The following PCBP3 variants were observed in gnomAD, a reference collection of about 807,000 sequenced individuals.
PCBP3 encodes the protein poly(rC)-binding protein 3.
Under a neutral mutation model 52.7 loss-of-function variants are expected in PCBP3, and 25 were observed. The ratio of observed to expected loss-of-function variants is 0.47; its 90% CI spans 0.35 to 0.66. The LOEUF (loss-of-function observed/expected upper bound fraction) is 0.66, where lower values mean the gene tolerates loss of function less well. PCBP3 is among the 30% of genes least tolerant of loss of function. The pLI is 0.01. For missense variants in PCBP3, 391 were observed against 490.3 expected (o/e 0.80, Z 1.91); for synonymous variants, 162 against 183.0 (o/e 0.89, Z 0.93).
intron 5 of PCBP3, among the ~76,000 whole-genome samples, chr21:45,886,128 C>T (rs2095513087): frequency 1.0e-5 from 1 of 98,322 alleles, no homozygotes. Flanking sequence ...CCGCTGGTAC[C>T]AAGGACAGAG....
intron 16 of PCBP3, chr21:45,935,549 A>C (rs1030937841): frequency 1.6e-6 from 1 of 635,030 alleles, no homozygotes; most frequent in African/African-American, 1.8e-5. Flanking sequence ...GGGACTTCAG[A>C]TATTAATCAG....
chr21:45,798,769 A>C (rs2092146172), intron 4 of PCBP3, among the ~76,000 whole-genome samples: 1 of 151,438 alleles, frequency 6.6e-6, no homozygotes, highest in African/African-American at 2.4e-5. Context: ...GGATGTGTAC[A>C]TGGATGAATG....
rs1402536479 is a variant in PCBP3 at position 45,677,106 on chromosome 21, G to A, written c.-200+8154G>A. Among the ~76,000 whole-genome samples the A allele has an allele frequency of 3.9e-5, 6 of 152,202 alleles. No homozygotes were observed. In the East Asian group the frequency reaches 1.2e-3, roughly 29 times the overall value. The stretch of plus-strand genomic sequence containing the variant: ...GAAAAACTAGAAATGATTAAGCTTA[G>A]TGAGGAAGGCATGTTGAAATCCCAG... On this transcript the variant is annotated intron_variant, in intron 2 of 17. Transcript: ENST00000681687.
intron 5 of PCBP3, among the ~76,000 whole-genome samples, chr21:45,862,509 C>A (rs11911278): frequency 6.6e-6 from 1 of 152,156 alleles, no homozygotes; most frequent in African/African-American, 2.4e-5. Flanking sequence ...ACATATCAAC[C>A]GTGGTCCTTC....
chr21:45,807,391 A>G (rs1032517123), intron 4 of PCBP3, among the ~76,000 whole-genome samples: 1 of 152,200 alleles, frequency 6.6e-6, no homozygotes, highest in Admixed American at 6.5e-5. Context: ...CTCTACACTA[A>G]TAATAGACAA....
intron 2 of PCBP3, among the ~76,000 whole-genome samples, chr21:45,680,819 G>A (rs2081792624): frequency 6.6e-6 from 1 of 152,200 alleles, no homozygotes; most frequent in African/African-American, 2.4e-5. Flanking sequence ...CTGTAGATTT[G>A]TGTAGATGAT....
At chr21:45,792,789 G>T (rs1237094721) in intron 4 of PCBP3, among the ~76,000 whole-genome samples, 1 of 152,232 alleles carries the variant, frequency 6.6e-6, no homozygotes, top group Non-Finnish European at 1.5e-5. Context: ...CAGGGAGTTG[G>T]AGAGGGCTGG....
chr21:45,789,623 G>A (rs1055724630), intron 4 of PCBP3, among the ~76,000 whole-genome samples: 2 of 152,184 alleles, frequency 1.3e-5, no homozygotes, highest in African/African-American at 4.8e-5. Flanking sequence ...GGCCAGTGTG[G>A]CCGGAGCAGA....
rs368696542 is a variant in PCBP3, at chr21:45,654,015, G to A, written c.-279+10147G>A. On this transcript the variant is annotated intron_variant, in intron 1 of 17. Transcript: ENST00000681687. ...GTTTCTTAGAAGACTTGAACTCTAT[G>A]ACCCCCCTCCAGATTCATATGTGCT... 6.6e-5 allele frequency among the ~76,000 whole-genome samples: 10 copies of A among 152,052 alleles called. No homozygotes were observed. The East Asian group carries it at 7.7e-4, about 12-fold the overall frequency.
At chr21:45,707,686 A>G (rs1217232451) in intron 2 of PCBP3, among the ~76,000 whole-genome samples, 1 of 152,202 alleles carries the variant, frequency 6.6e-6, no homozygotes, top group Non-Finnish European at 1.5e-5. Flanking sequence ...ATGATTCCAG[A>G]GGACATTTGC....
chr21:45,903,750 G>C (rs530603287), intron 9 of PCBP3, among the ~76,000 whole-genome samples: 3 of 152,226 alleles, frequency 2.0e-5, no homozygotes, highest in Non-Finnish European at 4.4e-5. Flanking sequence ...CAGAGGTCTT[G>C]TCAGGACATC....
intron 4 of PCBP3, among the ~76,000 whole-genome samples, chr21:45,770,651 A>G (rs1417406054): frequency 1.3e-5 from 2 of 152,128 alleles, no homozygotes; most frequent in African/African-American, 4.8e-5. Flanking sequence ...ATCTCCTTTA[A>G]GGTTATTCGG....
intron 2 of PCBP3, among the ~76,000 whole-genome samples, chr21:45,714,224 A>G (rs1308401821): frequency 6.6e-6 from 1 of 152,214 alleles, no homozygotes; most frequent in African/African-American, 2.4e-5. Context: ...GGACTCTCCC[A>G]TCAACTCCAG....
chr21:45,931,191 G>A (rs950851500), intron 15 of PCBP3, among the ~76,000 whole-genome samples: 5 of 152,240 alleles, frequency 3.3e-5, no homozygotes, highest in Non-Finnish European at 2.9e-5. Context: ...CACCCCTCCC[G>A]ACTTGCATTA....
intron 14 of PCBP3, among the ~76,000 whole-genome samples, chr21:45,930,341 A>G (rs1368687705): frequency 1.3e-5 from 2 of 152,022 alleles, no homozygotes; most frequent in Non-Finnish European, 2.9e-5. Context: ...GAGCGTACCC[A>G]CTGGGCCGCC....
At chr21:45,854,908 G>A (rs1488485609) in intron 5 of PCBP3, among the ~76,000 whole-genome samples, 2 of 152,216 alleles carry the variant, frequency 1.3e-5, no homozygotes, top group Non-Finnish European at 2.9e-5. Context: ...AGGAGTGCTG[G>A]AGGAAATGGA....
chr21:45,862,099 G>T lies in PCBP3; in HGVS notation c.10+12004G>T, dbSNP rs1312020416. Among the ~76,000 whole-genome samples the T allele has an allele frequency of 2.0e-5, 3 of 147,132 alleles. No homozygotes were observed. The South Asian group carries it at 6.5e-4, about 32-fold the overall frequency. On this transcript the variant is annotated intron_variant, in intron 5 of 17. Transcript: ENST00000681687. ...TTCTTGAGCCTTTTTATGAGGCACTGGTCCATTTCTGAGAGCGGAGTCTCA... is the reference window on the plus strand; with the variant it reads ...TTCTTGAGCCTTTTTATGAGGCACTTGTCCATTTCTGAGAGCGGAGTCTCA...
intron 1 of PCBP3, among the ~76,000 whole-genome samples, chr21:45,667,083 T>TTTCTTTCC (rs1555900599): frequency 3.3e-5 from 2 of 61,290 alleles, no homozygotes; most frequent in African/African-American, 8.9e-5. Flanking sequence ...TTGTTCTTTC[T>TTTCTTTCC]TTCTTTCTTT....
Position 45,904,753 on chromosome 21 carries a change from A to G in PCBP3, c.339+3640A>G, listed in dbSNP as rs1405432762. Reference sequence around the variant, plus strand: ...CCCAAGTGAACACTGGTTAAAATCTACCTGAAGGTGCTCAGAGGGCCCTTG... The same window carrying G: ...CCCAAGTGAACACTGGTTAAAATCTGCCTGAAGGTGCTCAGAGGGCCCTTG... On this transcript the variant is annotated intron_variant, in intron 9 of 17. Transcript: ENST00000681687. This position sits in a 1 kb window ranked among gnomAD's most constrained non-coding sequence, Gnocchi z 4.8. Among the ~76,000 whole-genome samples the G allele has an allele frequency of 5.9e-5, 9 of 152,154 alleles. No homozygotes were observed. The highest frequency in any genetic ancestry group is 1.0e-4 in the Non-Finnish European group (7 of 68,036).
Sources: gnomAD v4.1 joint callset for allele counts (sites outside exome capture counted in the v4.1 genomes callset) on GRCh38, gnomAD v4.1.1 for gene constraint, Gnocchi (gnomAD v3.1) non-coding constraint, MANE v1.5 for transcripts, NCBI Gene and HGNC (gene_info 2026-07-23, HGNC 2026-07-21) for gene names.